Variants in POU1F1 observed in about 807,000 individuals in gnomAD.
POU1F1 encodes pituitary-specific positive transcription factor 1.
Under a neutral mutation model 32.3 loss-of-function variants are expected in POU1F1, and 23 were observed. That is an observed-to-expected ratio of 0.71 (90% CI 0.51 to 1.01). The LOEUF (loss-of-function observed/expected upper bound fraction) is 1.01. POU1F1 is among the 50% of genes least tolerant of loss of function. POU1F1 has a pLI of 0.00. For synonymous variants in POU1F1, 120 were observed against 115.6 expected (o/e 1.04, Z -0.25); for missense variants, 323 against 341.6 (o/e 0.95, Z 0.43).
chr3:87,261,448 C>T (rs1706513722), intron 4 of POU1F1, 115 bp from the exon 5 acceptor site: 9 of 813,354 alleles, frequency 1.1e-5, no homozygotes, highest in African/African-American at 3.5e-5. Flanking sequence ...AAATGCTAGA[C>T]ATTTTTGTCT....
intron 2 of POU1F1, among the ~76,000 whole-genome samples, chr3:87,270,253 C>T (rs745930433): frequency 1.9e-4 from 29 of 152,050 alleles, no homozygotes; most frequent in Non-Finnish European, 3.8e-4. Flanking sequence ...TACTACTCAA[C>T]CCCAGTAGAG....
At chr3:87,272,897 C>T (rs1706753786) in intron 2 of POU1F1, among the ~76,000 whole-genome samples, 1 of 152,144 alleles carries the variant, frequency 6.6e-6, no homozygotes, top group Non-Finnish European at 1.5e-5. Context: ...ATGGGAGTCG[C>T]TAGCCACATG....
In POU1F1 at chr3:87,262,158, A is replaced by G; in HGVS notation, c.517T>C (p.Phe173Leu). The G allele has an allele frequency of 1.2e-6, 2 of 1,614,134 alleles. No individual in the cohort carries two copies. Among genetic ancestry groups the G allele is most frequent in the Non-Finnish European group, 1.7e-6 (2 of 1,180,002 alleles). The change falls in exon 4 of 6, where the codon TTT (phenylalanine) becomes CTT (leucine). Residue 173 changes from phenylalanine (F) to leucine (L), a missense_variant. By Grantham distance (22) the Phe-to-Leu change is conservative (BLOSUM62 0). Coordinates refer to ENST00000350375, the MANE Select transcript of POU1F1 (RefSeq NM_000306.4). ...SEFSQTTICRFENLQLSFKNA... is the reference protein window; with the variant it reads ...SEFSQTTICRLENLQLSFKNA... Reference sequence around the variant, plus strand: ...TTAAAGCTGAGCTGCAGATTTTCAAATCGGCAGATTGTTGTTTGACTGAAT... The same window carrying G: ...TTAAAGCTGAGCTGCAGATTTTCAAGTCGGCAGATTGTTGTTTGACTGAAT...
Position 87,273,356 on chromosome 3 carries a change from C to T in POU1F1, c.205G>A (p.Val69Met), listed in dbSNP as rs1349544226. The change falls in exon 2 of 6, where the codon GTG becomes ATG. Residue 69 changes from valine (V) to methionine (M), a missense_variant. Transcript: ENST00000350375. ...HYGNQPSTYG[V>M]MAGSLTPCLY... ...AGACAACTTTTCTTACCTGCCATCA[C>T]TCCATAGGTTGATGGCTGGTTTCCA... 4 of 1,612,606 alleles carry T rather than the reference C, an allele frequency of 2.5e-6. No individual in the cohort carries two copies. The South Asian group carries it at 4.4e-5, about 18-fold the overall frequency.
In POU1F1 at chr3:87,276,431, G is replaced by A. The variant is rs773651922; in HGVS notation, c.32C>T (p.Thr11Ile). The part of the protein sequence containing the change: MSCQAFTSAD[T>I]FIPLNSDASA... ...GGCGTCAGAATTCAGAGGTATAAAGGTATCAGCCGAAGTAAAAGCTTGGCA... is the reference window on the plus strand; with the variant it reads ...GGCGTCAGAATTCAGAGGTATAAAGATATCAGCCGAAGTAAAAGCTTGGCA... The change falls in exon 1 of 6, where the codon ACC becomes ATC. Residue 11 changes from threonine (T) to isoleucine (I), a missense_variant. Coordinates refer to ENST00000350375, the MANE Select transcript of POU1F1 (RefSeq NM_000306.4). 5 of 1,613,828 alleles carry A rather than the reference G, an allele frequency of 3.1e-6. No individual in the cohort carries two copies. Among genetic ancestry groups the A allele is most frequent in the Non-Finnish European group, 4.2e-6 (5 of 1,179,886 alleles).
At chr3:87,269,758 T>TC (rs1706692294) in intron 2 of POU1F1, among the ~76,000 whole-genome samples, 2 of 152,014 alleles carry the variant, frequency 1.3e-5, no homozygotes, top group African/African-American at 2.4e-5. Flanking sequence ...GTCCCAAGAG[T>TC]TTGGGACTTA....
chr3:87,261,180 A>T, intron 5 of POU1F1, 93 bp downstream of exon 5: 1 of 963,904 alleles, frequency 1.0e-6, no homozygotes. Context: ...CCTTACATTT[A>T]TATGTTATGT....
chr3:87,276,512 A>C lies in POU1F1; in HGVS notation c.-50T>G. On this transcript the variant is annotated 5_prime_UTR_variant, in exon 1 of 6. Coordinates refer to ENST00000350375, the MANE Select transcript of POU1F1 (RefSeq NM_000306.4). The stretch of plus-strand genomic sequence containing the variant: ...GGAGAACCGCTGCTCCCCAAATCAG[A>C]GTTTTATTATATTACTGTCTCAAAG... 6.3e-7 allele frequency: 1 copy of C among 1,594,914 alleles called. No homozygotes were observed. Among genetic ancestry groups the C allele is most frequent in the Non-Finnish European group, 8.6e-7 (1 of 1,167,754 alleles).
chr3:87,268,708 A>G (rs1706672618), intron 2 of POU1F1, among the ~76,000 whole-genome samples: 1 of 152,220 alleles, frequency 6.6e-6, no homozygotes, highest in African/African-American at 2.4e-5. Context: ...AACATGGATA[A>G]AGAAAAATTA....
intron 5 of POU1F1, among the ~76,000 whole-genome samples, chr3:87,260,427 T>C (rs1706488409): frequency 6.6e-6 from 1 of 152,180 alleles, no homozygotes; most frequent in Admixed American, 6.5e-5. Flanking sequence ...CCTAGACATT[T>C]CTAAATATCT....
At chr3:87,269,760 T>G (rs931380659) in intron 2 of POU1F1, among the ~76,000 whole-genome samples, 3 of 152,090 alleles carry the variant, frequency 2.0e-5, no homozygotes, top group South Asian at 4.1e-4. Flanking sequence ...CCCAAGAGTT[T>G]GGGACTTAAA....
intron 2 of POU1F1, among the ~76,000 whole-genome samples, chr3:87,269,404 AT>A (rs1284407734): frequency 6.6e-6 from 1 of 152,132 alleles, no homozygotes; most frequent in African/African-American, 2.4e-5. Flanking sequence ...GGAAGTGAAA[AT>A]ACATCATGTT....
Position 87,276,360 on chromosome 3 carries a change from G to T in POU1F1, c.103C>A (p.Leu35Ile). 1 of 1,614,024 alleles carries T rather than the reference G, an allele frequency of 6.2e-7. No homozygotes were observed. Among genetic ancestry groups the T allele is most frequent in the East Asian group, 2.2e-5 (1 of 44,862 alleles). ...TTGGTGGCATGGTTGGAGACTGGTA[G>T]ACACTCGGCAGCACTGTGATGCATT... The part of the protein sequence containing the change: ...LIMHHSAAEC[L>I]PVSNHATNVM... Residue 35 changes from leucine to isoleucine, a missense_variant, in exon 1 of 6, where the codon CTA becomes ATA. Leu to Ile is a conservative substitution (Grantham distance 5). Transcript: ENST00000350375.
chr3:87,262,237 T>G lies in POU1F1; in HGVS notation c.440-2A>C. The G allele has an allele frequency of 6.2e-7, 1 of 1,614,032 alleles. No homozygotes were observed. The highest frequency in any genetic ancestry group is 8.5e-7 in the Non-Finnish European group (1 of 1,179,922). ...CCCCAACATTTGTCTGGGTGTATCC[T>G]GTGAAGGGACAATAAAGACCATCAG... On this transcript the variant is annotated splice_acceptor_variant, in intron 3 of 5. Transcript: ENST00000350375. LOFTEE classifies it high-confidence loss of function.
At chr3:87,267,086 T>A (rs531359614) in intron 2 of POU1F1, among the ~76,000 whole-genome samples, 1 of 152,130 alleles carries the variant, frequency 6.6e-6, no homozygotes, top group African/African-American at 2.4e-5. Flanking sequence ...ATATAAAAAA[T>A]TTGTGTGTTT....
chr3:87,273,561 G>T (rs1706766669), intron 1 of POU1F1, 143 bp from the exon 2 acceptor site: 1 of 1,416,800 alleles, frequency 7.1e-7, no homozygotes, highest in Non-Finnish European at 9.5e-7. Flanking sequence ...ACATTTATGT[G>T]GTTCTTAAAG....
chr3:87,264,260 T>C, intron 3 of POU1F1, 28 bp downstream of exon 3: 1 of 1,559,254 alleles, frequency 6.4e-7, no homozygotes, highest in East Asian at 2.2e-5. Context: ...CCAAGTTCTT[T>C]TTCCTGTTGC....
At chr3:87,272,234 G>A in intron 2 of POU1F1, among the ~76,000 whole-genome samples, 1 of 151,638 alleles carries the variant, frequency 6.6e-6, no homozygotes, top group East Asian at 1.9e-4. Context: ...TACTCACACA[G>A]TTTGTCATCA....
intron 4 of POU1F1, among the ~76,000 whole-genome samples, chr3:87,261,783 A>G (rs1328699147): frequency 6.6e-6 from 1 of 152,212 alleles, no homozygotes; most frequent in Non-Finnish European, 1.5e-5. Flanking sequence ...AAGAGAGGAA[A>G]AAAATGGATG....
Sources: allele counts gnomAD v4.1 joint callset (sites outside exome capture counted in the v4.1 genomes callset), GRCh38; gene constraint gnomAD v4.1.1; transcripts MANE v1.5; gene names NCBI Gene and HGNC (gene_info 2026-07-23, HGNC 2026-07-21).